Variants in NBEAL1 observed in about 807,000 individuals in gnomAD.
NBEAL1 encodes neurobeachin like 1.
A neutral mutation model predicts 351.3 loss-of-function variants in NBEAL1; 273 were observed. That is an observed-to-expected ratio of 0.78 (90% CI 0.70 to 0.86). The LOEUF is 0.86. Among genes scored for constraint, NBEAL1 ranks in the 40% least tolerant of loss-of-function variants. NBEAL1 has a pLI of 0.00. For missense variants in NBEAL1, 2,961 were observed against 3,201.3 expected (o/e 0.92, Z 1.81); for synonymous variants, 1,050 against 1,086.4 (o/e 0.97, Z 0.66).
chr2:203,220,744 A>G lies in NBEAL1; in HGVS notation c.*3390A>G, dbSNP rs779155084. On this transcript the variant is annotated 3_prime_UTR_variant, in exon 56 of 56. Transcript: ENST00000683969. ...CTGGCATTACTCAGATAAAATTGTA[A>G]GAGAGAAAGAAAAATAGATCAGGGC... 4.6e-5 allele frequency among the ~76,000 whole-genome samples: 7 copies of G among 152,218 alleles called. No homozygotes were observed. The highest frequency in any genetic ancestry group is 8.8e-5 in the Non-Finnish European group (6 of 68,030).
intron 22 of NBEAL1, 40 bp downstream of exon 22, chr2:203,126,756 T>A (rs2062945616): frequency 1.3e-6 from 2 of 1,519,000 alleles, no homozygotes. Context: ...ATAGTTGTTT[T>A]AGAAATTTAT....
intron 18 of NBEAL1, among the ~76,000 whole-genome samples, chr2:203,116,587 A>G (rs2062702488): frequency 1.3e-5 from 2 of 151,304 alleles, no homozygotes; most frequent in African/African-American, 2.4e-5. Flanking sequence ...CCTAAGCAAC[A>G]TAGCGAGACC....
At chr2:203,084,840 T>G in intron 10 of NBEAL1, 1 of 232,832 alleles carries the variant, frequency 4.3e-6, no homozygotes, top group Admixed American at 5.7e-5. Context: ...GAAATATCCT[T>G]GAGGCCCTTT....
chr2:203,145,169 T>C lies in NBEAL1; in HGVS notation c.5304+9T>C. On this transcript the variant is annotated intron_variant, in intron 33 of 55. Coordinates refer to ENST00000683969, the MANE Select transcript of NBEAL1 (RefSeq NM_001378026.1). ...GCAAGCTCAAATTTCAGGTAAAAAGTAAATGTTTTAATATCTAGTTTTTCT... is the reference window on the plus strand; with the variant it reads ...GCAAGCTCAAATTTCAGGTAAAAAGCAAATGTTTTAATATCTAGTTTTTCT... 1 of 1,602,184 alleles carries C rather than the reference T, an allele frequency of 6.2e-7. No individual in the cohort carries two copies. Among genetic ancestry groups the C allele is most frequent in the Non-Finnish European group, 8.5e-7 (1 of 1,176,000 alleles).
intron 29 of NBEAL1, 142 bp downstream of exon 29, chr2:203,136,916 C>T (rs1162207190): frequency 1.4e-6 from 1 of 706,638 alleles, no homozygotes; most frequent in African/African-American, 1.8e-5. Flanking sequence ...GTTCCTTTTC[C>T]TATCTTTTGC....
At chr2:203,156,594 T>C (rs192743796) in intron 35 of NBEAL1, among the ~76,000 whole-genome samples, 1 of 152,334 alleles carries the variant, frequency 6.6e-6, no homozygotes, top group East Asian at 1.9e-4. Flanking sequence ...GTTACTAACT[T>C]GTTCTAGGGA....
chr2:203,090,725 A>G lies in NBEAL1; in HGVS notation c.1098+6156A>G, dbSNP rs137972419. Among the ~76,000 whole-genome samples, 1,394 of 152,078 alleles carry G rather than the reference A, an allele frequency of 9.2e-3. 17 individuals are homozygous for G. The highest frequency in any genetic ancestry group is 0.012 in the Non-Finnish European group (826 of 67,974). ...CCAACATGGAAACCCCGTCTCTACT[A>G]AAAATACAAAAAAGTTAGCCAGGTG... On this transcript the variant is annotated intron_variant, in intron 10 of 55. Transcript: ENST00000683969.
intron 2 of NBEAL1, among the ~76,000 whole-genome samples, chr2:203,024,209 A>G (rs1169174404): frequency 1.3e-5 from 2 of 151,812 alleles, no homozygotes; most frequent in Non-Finnish European, 2.9e-5. Context: ...CAAAAAAAAA[A>G]AAAGAAAAAA....
chr2:203,062,295 G>T lies in NBEAL1; in HGVS notation c.515+4842G>T, dbSNP rs1355166680. 1 of 474,328 alleles carries T rather than the reference G, an allele frequency of 2.1e-6. No individual in the cohort carries two copies. 29.4% of individuals were successfully genotyped at this position (474,328 alleles called of 1,614,324 possible). A position where few individuals can be genotyped will look rare whatever the true frequency, so the allele number is the denominator to read the frequency against. The stretch of plus-strand genomic sequence containing the variant: ...TTTCTGTAGAAGCCAAATTCCTGAA[G>T]GTTTCCTGCGTCACATCTCTATAAG... On this transcript the variant is annotated intron_variant, in intron 6 of 55. Transcript: ENST00000683969. The surrounding 1 kb of genome is among the most constrained non-coding windows in gnomAD (Gnocchi z 4.2).
At chr2:203,024,290 G>A (rs536201642) in intron 2 of NBEAL1, among the ~76,000 whole-genome samples, 2 of 152,224 alleles carry the variant, frequency 1.3e-5, no homozygotes, top group East Asian at 1.9e-4. Flanking sequence ...GCATCTGGTG[G>A]TTCACACCTG....
At chr2:203,160,141 G>A (rs1379720375) in intron 36 of NBEAL1, among the ~76,000 whole-genome samples, 1 of 148,666 alleles carries the variant, frequency 6.7e-6, no homozygotes, top group African/African-American at 2.5e-5. Context: ...GTGCAGTGGC[G>A]AGATCTTGGC....
In NBEAL1 at chr2:203,219,120, G is replaced by C. The variant is rs1011975127; in HGVS notation, c.*1766G>C. ...GAGGTTTCAATCCAGTGCTTCACCC[G>C]TGGTGCCACCGTGGCTATCTTTTTT... On this transcript the variant is annotated 3_prime_UTR_variant, in exon 56 of 56. Coordinates refer to ENST00000683969, the MANE Select transcript of NBEAL1 (RefSeq NM_001378026.1). The C allele has an allele frequency of 6.6e-6, 1 of 152,020 alleles. No individual in the cohort carries two copies. The highest frequency in any genetic ancestry group is 1.5e-5 in the Non-Finnish European group (1 of 68,016). 9.4% of individuals were successfully genotyped at this position (152,020 alleles called of 1,614,324 possible).
intron 44 of NBEAL1, among the ~76,000 whole-genome samples, chr2:203,185,470 A>G (rs915940418): frequency 1.3e-5 from 2 of 152,190 alleles, no homozygotes; most frequent in African/African-American, 4.8e-5. Flanking sequence ...TGGCATGTGT[A>G]TACCTACATA....
Position 203,035,128 on chromosome 2 carries a change from C to T in NBEAL1, c.52-6637C>T, listed in dbSNP as rs1351038212. ...GCATGGATGATTTAATTCCATTATC[C>T]TCTCTAAAGCCTCCCAAAAGGTTAG... On this transcript the variant is annotated intron_variant, in intron 2 of 55. Coordinates refer to ENST00000683969, the MANE Select transcript of NBEAL1 (RefSeq NM_001378026.1). 2.0e-5 allele frequency among the ~76,000 whole-genome samples: 3 copies of T among 149,148 alleles called. 1 individual carries two copies. The highest frequency in any genetic ancestry group is 4.5e-5 in the Non-Finnish European group (3 of 66,532).
At chr2:203,217,104 G>A (rs559387299) in intron 55 of NBEAL1, 149 bp from the exon 56 acceptor site, 27 of 498,370 alleles carry the variant, frequency 5.4e-5, no homozygotes, top group African/African-American at 3.2e-4. Context: ...ACACCTGGCC[G>A]TCTTTCTCTA....
chr2:203,054,724 A>G (rs751891139), intron 4 of NBEAL1, among the ~76,000 whole-genome samples: 30 of 152,168 alleles, frequency 2.0e-4, no homozygotes, highest in Admixed American at 1.0e-3. Flanking sequence ...TCATAGAGAT[A>G]CTTTTAGGAT....
intron 34 of NBEAL1, 28 bp from the exon 35 acceptor site, chr2:203,151,437 T>G: frequency 6.7e-7 from 1 of 1,495,546 alleles, no homozygotes; most frequent in South Asian, 1.3e-5. Context: ...CTAAATAATT[T>G]TACTTATTTG....
rs888463889 is a variant in NBEAL1 at position 203,209,031 on chromosome 2, G to A, written c.7624-130G>A. 5.5e-6 allele frequency: 4 copies of A among 727,926 alleles called. No individual in the cohort carries two copies. The African/African-American group carries it at 7.1e-5, about 13-fold the overall frequency. 45.1% of individuals were successfully genotyped at this position (727,926 alleles called of 1,614,324 possible). A position where few individuals can be genotyped will look rare whatever the true frequency, so the allele number is the denominator to read the frequency against. On this transcript the variant is annotated intron_variant, in intron 52 of 55. Coordinates refer to ENST00000683969, the MANE Select transcript of NBEAL1 (RefSeq NM_001378026.1). ...AGTTGGAATTTTTCCTAAGGTGCAT[G>A]TATCCTTGATGGAATAATCATTTTC...
intron 10 of NBEAL1, among the ~76,000 whole-genome samples, chr2:203,095,864 C>G (rs11898970): frequency 0.3 from 45,114 of 151,878 alleles, 7,290 homozygotes; most frequent in East Asian, 0.62. Context: ...CCTCCACCTC[C>G]CGGGTTCAGG....
Sources: allele counts gnomAD v4.1 joint callset (sites outside exome capture counted in the v4.1 genomes callset), GRCh38; gene constraint gnomAD v4.1.1; non-coding constraint Gnocchi (gnomAD v3.1); transcripts MANE v1.5; gene names NCBI Gene and HGNC (gene_info 2026-07-23, HGNC 2026-07-21).